INPP5B: variants seen among roughly 807,000 people sequenced by gnomAD.
The protein encoded by INPP5B is inositol polyphosphate-5-phosphatase B, also known as type II inositol 1,4,5-trisphosphate 5-phosphatase.
Under a neutral mutation model 118.5 loss-of-function variants are expected in INPP5B, and 90 were observed. The observed-to-expected ratio is 0.76, with a 90% CI of 0.64 to 0.90. The LOEUF (loss-of-function observed/expected upper bound fraction) is 0.90, where lower values mean the gene tolerates loss of function less well. Ranked by LOEUF, INPP5B falls within the 40% of genes least tolerant of loss-of-function variation. INPP5B has a pLI of 0.00. For synonymous variants in INPP5B, 385 were observed against 418.9 expected, an observed-to-expected ratio of 0.92 and a Z score of 0.99; for missense variants, 984 against 1,125.6, an observed-to-expected ratio of 0.87 and a Z score of 1.80.
At chr1:37,889,498 A>T (rs1422949897) in intron 9 of INPP5B, 59 bp downstream of exon 9, 1 of 1,391,200 alleles carries the variant, frequency 7.2e-7, no homozygotes, top group African/African-American at 1.4e-5. Context: ...AAGTGCTCAA[A>T]TTCCAGAGTG....
intron 1 of INPP5B, among the ~76,000 whole-genome samples, 162 bp from the exon 2 acceptor site, chr1:37,946,496 A>G (rs1021641247): frequency 8.5e-5 from 13 of 152,090 alleles, no homozygotes; most frequent in Admixed American, 4.6e-4. Context: ...CCTCCCTAGA[A>G]TAGGCCTTTC....
At position 37,878,202 on chromosome 1, in the gene INPP5B, C is replaced by T. The variant is rs1418750427; in HGVS notation, c.1663G>A (p.Val555Met). Reference sequence around the variant, plus strand: ...CTGCCACCTACCCCGATGTCAAACACTGAGCTGACAGGCTTGTGGTCACTG... The same window carrying T: ...CTGCCACCTACCCCGATGTCAAACATTGAGCTGACAGGCTTGTGGTCACTG... ...KTSDHKPVSSVFDIGVRVVND... is the reference protein window; with the variant it reads ...KTSDHKPVSSMFDIGVRVVND... Residue 555 changes from valine (V) to methionine (M), a missense_variant, in exon 16 of 24, where the codon GTG (valine) becomes ATG (methionine). Physicochemically the swap from Val to Met is conservative, Grantham distance 21. Around this residue, in one of 2 missense-constraint regions of INPP5B, gnomAD observed 634 missense variants for 791.0 expected, o/e 0.80. Coordinates refer to ENST00000373024, the MANE Select transcript of INPP5B (RefSeq NM_005540.3). 11 of 1,614,022 alleles carry T rather than the reference C, an allele frequency of 6.8e-6. No homozygotes were observed. Among genetic ancestry groups the T allele is most frequent in the Admixed American group, 1.7e-5 (1 of 59,988 alleles).
At chr1:37,881,684 A>C (rs1441473319) in intron 14 of INPP5B, among the ~76,000 whole-genome samples, 3 of 152,252 alleles carry the variant, frequency 2.0e-5, no homozygotes. Context: ...AGGCAAGTAG[A>C]GATGGGTATC....
intron 14 of INPP5B, 37 bp from the exon 15 acceptor site, chr1:37,880,231 TA>T: frequency 6.8e-7 from 1 of 1,478,832 alleles, no homozygotes; most frequent in South Asian, 1.2e-5. Flanking sequence ...AATATCAGAA[TA>T]AAAAGGTCAA....
At position 37,903,935 on chromosome 1, in the gene INPP5B, T is replaced by C. The variant is rs375767275; in HGVS notation, c.533-12481A>G. 9.9e-4 allele frequency among the ~76,000 whole-genome samples: 151 copies of C among 152,328 alleles called. 4 individuals are homozygous for C. In the South Asian group the frequency reaches 0.029, roughly 29 times the overall value. ...TTTGTCAGAAAAGTAAAAAGTGTAA[T>C]GCCTTTTAGTTCACATGACTTAAGT... On this transcript the variant is annotated intron_variant, in intron 7 of 23. Coordinates refer to ENST00000373024, the MANE Select transcript of INPP5B (RefSeq NM_005540.3).
At chr1:37,904,929 T>G (rs533319646) in intron 7 of INPP5B, among the ~76,000 whole-genome samples, 1 of 152,292 alleles carries the variant, frequency 6.6e-6, no homozygotes, top group East Asian at 1.9e-4. Flanking sequence ...AAATCTTACC[T>G]TATGGTCAGG....
chr1:37,868,614 T>G lies in INPP5B; in HGVS notation c.2188A>C (p.Thr730Pro). The change falls in exon 20 of 24, where the codon ACT (threonine) becomes CCT (proline). Residue 730 changes from threonine (T) to proline (P), a missense_variant and splice_region_variant. Transcript: ENST00000373024. ...DLPLETISEL[T>P]LMPVWTGDDG... is the part of the protein sequence containing the mutation. ...TCTCCAGTCCATACTGGCATCAGAG[T>G]CTGGAAAGCAATCAAGATCATGACA... 6.3e-7 allele frequency: 1 copy of G among 1,596,874 alleles called. No individual in the cohort carries two copies. Among genetic ancestry groups the G allele is most frequent in the Non-Finnish European group, 8.6e-7 (1 of 1,164,352 alleles).
chr1:37,919,258 A>G (rs551581011), intron 7 of INPP5B, among the ~76,000 whole-genome samples: 1 of 152,090 alleles, frequency 6.6e-6, no homozygotes, highest in South Asian at 2.1e-4. Flanking sequence ...ATCACGTTCT[A>G]CCCTTCCTGA....
In INPP5B at chr1:37,861,451, C is replaced by G. The variant is rs1348253086; in HGVS notation, c.*864G>C. ...TTATTTAAAAACATTTTAGGCCAGG[C>G]GTGGTGGTTCATGCCTGTAATCCCA... On this transcript the variant is annotated 3_prime_UTR_variant, in exon 24 of 24. Transcript: ENST00000373024. 2 of 152,320 alleles carry G rather than the reference C, an allele frequency of 1.3e-5. No homozygotes were observed. The highest frequency in any genetic ancestry group is 4.8e-5 in the African/African-American group (2 of 41,438). 9.4% of individuals were successfully genotyped at this position (152,320 alleles called of 1,614,324 possible). A position where few individuals can be genotyped will look rare whatever the true frequency, so the allele number is the denominator to read the frequency against.
intron 6 of INPP5B, among the ~76,000 whole-genome samples, chr1:37,934,039 T>C (rs1239676192): frequency 6.6e-6 from 1 of 151,958 alleles, no homozygotes; most frequent in African/African-American, 2.4e-5. Flanking sequence ...GTTCAAATGA[T>C]TCTCCTGCCT....
chr1:37,942,655 TC>T (rs1221799594), intron 5 of INPP5B, among the ~76,000 whole-genome samples: 1 of 152,068 alleles, frequency 6.6e-6, no homozygotes, highest in East Asian at 1.9e-4. Flanking sequence ...ACGCCTATAA[TC>T]CCAGCACTTT....
intron 8 of INPP5B, 75 bp from the exon 9 acceptor site, chr1:37,889,799 T>C: frequency 8.6e-7 from 1 of 1,165,448 alleles, no homozygotes; most frequent in Non-Finnish European, 1.2e-6. Context: ...AAGCTAAAAG[T>C]TCCCCTATAC....
At chr1:37,945,720 TGGC>T (rs1557737380) in intron 3 of INPP5B, 33 bp downstream of exon 3, 1 of 1,518,876 alleles carries the variant, frequency 6.6e-7, no homozygotes, top group Non-Finnish European at 9.1e-7. Context: ...AACAACCCCA[TGGC>T]CCAGACAGGT....
intron 5 of INPP5B, among the ~76,000 whole-genome samples, chr1:37,941,436 C>A (rs1331863692): frequency 6.6e-6 from 1 of 150,600 alleles, no homozygotes; most frequent in Non-Finnish European, 1.5e-5. Flanking sequence ...TTACTTAAAG[C>A]CAGGAGTTTG....
chr1:37,927,093 C>T (rs1168183392), intron 7 of INPP5B, among the ~76,000 whole-genome samples: 1 of 152,158 alleles, frequency 6.6e-6, no homozygotes, highest in Non-Finnish European at 1.5e-5. Context: ...TGGAGACCAT[C>T]CTGGCCAACA....
At chr1:37,935,814 C>T (rs1239099066) in intron 6 of INPP5B, among the ~76,000 whole-genome samples, 4 of 151,550 alleles carry the variant, frequency 2.6e-5, no homozygotes, top group African/African-American at 4.8e-5. Flanking sequence ...CGCCTGTAAT[C>T]CCAGCACTTT....
intron 7 of INPP5B, among the ~76,000 whole-genome samples, chr1:37,911,691 C>T (rs957221167): frequency 6.6e-6 from 1 of 152,192 alleles, no homozygotes; most frequent in African/African-American, 2.4e-5. Flanking sequence ...ATATCCTGCA[C>T]CACCATGCTG....
At chr1:37,889,364 C>G (rs1044076949) in intron 9 of INPP5B, among the ~76,000 whole-genome samples, 193 bp downstream of exon 9, 3 of 152,150 alleles carry the variant, frequency 2.0e-5, no homozygotes. Flanking sequence ...CACCTATCAC[C>G]GTGCCCACCT....
chr1:37,873,247 G>T, intron 18 of INPP5B, 82 bp from the exon 19 acceptor site: 1 of 952,984 alleles, frequency 1.0e-6, no homozygotes, highest in Non-Finnish European at 1.7e-6. Flanking sequence ...AAGAGGGTAA[G>T]GCATAAAGGG....
Sources: gnomAD v4.1 joint callset for allele counts (sites outside exome capture counted in the v4.1 genomes callset) on GRCh38, gnomAD v4.1.1 for gene constraint, gnomAD v4.1.1 regional missense constraint, MANE v1.5 for transcripts, NCBI Gene and HGNC (gene_info 2026-07-23, HGNC 2026-07-21) for gene names.